The following PAPPA2 variants were observed in gnomAD, a reference collection of about 807,000 sequenced individuals.
PAPPA2 encodes the protein pappalysin-2.
Under a neutral mutation model 176.4 loss-of-function variants are expected in PAPPA2, and 86 were observed. The ratio of observed to expected loss-of-function variants is 0.49; its 90% confidence interval spans 0.41 to 0.58. PAPPA2 has a LOEUF of 0.58. PAPPA2 is among the 20% of genes least tolerant of loss of function. PAPPA2 has a pLI of 0.00. For missense variants in PAPPA2, 2,073 were observed against 2,256.9 expected, an observed-to-expected ratio of 0.92 and a Z score of 1.65; for synonymous variants, 809 against 852.2, an observed-to-expected ratio of 0.95 and a Z score of 0.88.
At chr1:176,695,960 ATGTGTATGTGTGTGTGTGTG>A (rs1297690879) in intron 7 of PAPPA2, 101 bp downstream of exon 7, 2 of 1,184,620 alleles carry the variant, frequency 1.7e-6, no homozygotes, top group African/African-American at 3.5e-5. Flanking sequence ...AAGGCAATGT[ATGTGTATGTGTGTGTGTGTG>A]TGTGTGTGTG....
chr1:176,661,379 A>G (rs1206894306), intron 3 of PAPPA2, among the ~76,000 whole-genome samples: 2 of 151,828 alleles, frequency 1.3e-5, no homozygotes, highest in African/African-American at 4.8e-5. Flanking sequence ...GAATAAGATT[A>G]TGGAACTGGT....
intron 18 of PAPPA2, among the ~76,000 whole-genome samples, chr1:176,790,356 G>T (rs531665001): frequency 6.6e-6 from 1 of 152,060 alleles, no homozygotes; most frequent in Non-Finnish European, 1.5e-5. Flanking sequence ...CAAATTCCTC[G>T]GCAAAGCTGG....
At chr1:176,766,958 G>A (rs1324441762) in intron 15 of PAPPA2, among the ~76,000 whole-genome samples, 1 of 152,074 alleles carries the variant, frequency 6.6e-6, no homozygotes, top group Non-Finnish European at 1.5e-5. Flanking sequence ...GAACCTGTGG[G>A]AGAATTCCAC....
chr1:176,832,978 C>T (rs1667133885), intron 21 of PAPPA2, among the ~76,000 whole-genome samples: 2 of 152,132 alleles, frequency 1.3e-5, no homozygotes, highest in African/African-American at 4.8e-5. Flanking sequence ...CTGGGTTACA[C>T]AGGCCGTGGT....
chr1:176,828,927 C>T (rs1320379509), intron 21 of PAPPA2, among the ~76,000 whole-genome samples: 1 of 151,922 alleles, frequency 6.6e-6, no homozygotes, highest in Non-Finnish European at 1.5e-5. Context: ...CTTTTGAACC[C>T]AGGAGATGGA....
chr1:176,569,904 T>C (rs570373571), intron 2 of PAPPA2, among the ~76,000 whole-genome samples: 6 of 152,326 alleles, frequency 3.9e-5, no homozygotes, highest in African/African-American at 1.2e-4. Context: ...GGAGGAGTTA[T>C]CCTTACCTTC....
In PAPPA2 at chr1:176,842,639, C is replaced by A; in HGVS notation, c.*185C>A. The stretch of plus-strand genomic sequence containing the variant: ...GTGTGAACTAGTTCATCAAGTAGCC[C>A]AAGTAGGAGAGAATCATAGGCAAAA... On this transcript the variant is annotated 3_prime_UTR_variant, in exon 23 of 23. Transcript: ENST00000367662. 3 of 580,558 alleles carry A rather than the reference C, an allele frequency of 5.2e-6. No individual in the cohort carries two copies. The highest frequency in any genetic ancestry group is 2.3e-5 in the South Asian group (1 of 44,106). The allele number at this position is 580,558 out of a possible 1,614,324, so 36.0% of individuals were successfully genotyped here.
chr1:176,764,416 C>A (rs1416644129), intron 14 of PAPPA2, among the ~76,000 whole-genome samples: 1 of 152,046 alleles, frequency 6.6e-6, no homozygotes, highest in Non-Finnish European at 1.5e-5. Context: ...CATAATTATC[C>A]CCGTCTTATA....
chr1:176,550,474 C>G (rs1392868306), intron 1 of PAPPA2, among the ~76,000 whole-genome samples: 1 of 152,192 alleles, frequency 6.6e-6, no homozygotes, highest in African/African-American at 2.4e-5. Flanking sequence ...AGCTCTCCCC[C>G]AGCCAAAGGG....
chr1:176,615,896 A>G (rs1167141917), intron 3 of PAPPA2, among the ~76,000 whole-genome samples: 1 of 152,214 alleles, frequency 6.6e-6, no homozygotes, highest in Admixed American at 6.5e-5. Flanking sequence ...ACATACAAGT[A>G]TGGTGCTGGG....
chr1:176,612,814 G>A (rs1655006432), intron 3 of PAPPA2, among the ~76,000 whole-genome samples: 1 of 152,140 alleles, frequency 6.6e-6, no homozygotes, highest in Non-Finnish European at 1.5e-5. Flanking sequence ...TTTTCTAGAA[G>A]GGTTAAAATA....
intron 4 of PAPPA2, among the ~76,000 whole-genome samples, chr1:176,671,764 A>G (rs1165519922): frequency 3.3e-5 from 5 of 152,026 alleles, no homozygotes; most frequent in Non-Finnish European, 7.4e-5. Flanking sequence ...CTTTGTAGGG[A>G]CATGGATGAA....
rs565403954 is a variant in PAPPA2, at chr1:176,764,847, T to A, written c.4152-819T>A. On this transcript the variant is annotated intron_variant, in intron 14 of 22. Coordinates refer to ENST00000367662, the MANE Select transcript of PAPPA2 (RefSeq NM_020318.3). ...TCCTGACCTCGTGATCCGCCCGCCT[T>A]GGCCTCCCAAAGCGCTGGGATTATG... Among the ~76,000 whole-genome samples, 17 of 152,290 alleles carry A rather than the reference T, an allele frequency of 1.1e-4. No homozygotes were observed. The East Asian group carries it at 3.3e-3, about 30-fold the overall frequency.
At chr1:176,802,021 C>T (rs569711929) in intron 21 of PAPPA2, among the ~76,000 whole-genome samples, 9 of 152,194 alleles carry the variant, frequency 5.9e-5, no homozygotes, top group African/African-American at 1.7e-4. Flanking sequence ...TGTTGGTTCC[C>T]CTGCTCCAGT....
chr1:176,695,893 G>T, intron 7 of PAPPA2, 34 bp downstream of exon 7: 3 of 1,608,950 alleles, frequency 1.9e-6, no homozygotes, highest in Admixed American at 3.3e-5. Flanking sequence ...TTTATACCCT[G>T]GTGACCACTG....
chr1:176,828,370 T>G (rs1666939415), intron 21 of PAPPA2, among the ~76,000 whole-genome samples: 1 of 152,204 alleles, frequency 6.6e-6, no homozygotes, highest in African/African-American at 2.4e-5. Flanking sequence ...GGTTTGTAGT[T>G]TGTAAAAACA....
chr1:176,584,501 C>T (rs1217915521), intron 2 of PAPPA2, among the ~76,000 whole-genome samples: 2 of 151,196 alleles, frequency 1.3e-5, no homozygotes, highest in Non-Finnish European at 2.9e-5. Flanking sequence ...TATTGTTTTT[C>T]ACTTTCAGTC....
intron 21 of PAPPA2, among the ~76,000 whole-genome samples, chr1:176,839,196 G>A (rs1206140082): frequency 6.6e-6 from 1 of 152,146 alleles, no homozygotes; most frequent in African/African-American, 2.4e-5. Context: ...TCAGGATGAG[G>A]AGCAGCCAGG....
At chr1:176,508,557 C>A (rs1233253830) in intron 1 of PAPPA2, among the ~76,000 whole-genome samples, 2 of 151,382 alleles carry the variant, frequency 1.3e-5, no homozygotes, top group Non-Finnish European at 2.9e-5. Flanking sequence ...TGAAAACTAT[C>A]CAAAATGAAG....
Sources: allele counts gnomAD v4.1 joint callset (sites outside exome capture counted in the v4.1 genomes callset), GRCh38; gene constraint gnomAD v4.1.1; transcripts MANE v1.5; gene names NCBI Gene and HGNC (gene_info 2026-07-23, HGNC 2026-07-21).